ABCB5: variants seen among roughly 807,000 people sequenced by gnomAD.
ABCB5 encodes ATP binding cassette subfamily B member 5, also known as ATP-binding cassette sub-family B member 5.
In ABCB5, 155 loss-of-function variants were observed where a neutral mutation model predicts 144.2. That is an observed-to-expected ratio of 1.08 (90% CI 0.94 to 1.23). The LOEUF is 1.23. Ranked by LOEUF, ABCB5 falls within the 50% of genes most tolerant of loss-of-function variation. The pLI is 0.00. For synonymous variants in ABCB5, 610 were observed against 528.6 expected (o/e 1.15, Z -2.11); for missense variants, 1,830 against 1,520.8 (o/e 1.20, Z -3.38).
intron 14 of ABCB5, among the ~76,000 whole-genome samples, chr7:20,662,578 G>C (rs7792341): frequency 0.23 from 35,624 of 152,120 alleles, 4,415 homozygotes; most frequent in African/African-American, 0.3. Flanking sequence ...TAGCAACACT[G>C]TAATAGTTGG....
At chr7:20,625,941 T>C (rs187002734) in intron 2 of ABCB5, among the ~76,000 whole-genome samples, 45 of 152,344 alleles carry the variant, frequency 3.0e-4, no homozygotes, top group Middle Eastern at 3.4e-3. Context: ...TGGAATACTA[T>C]ACAGCCTTAA....
intron 5 of ABCB5, among the ~76,000 whole-genome samples, chr7:20,634,229 T>C (rs1784101741): frequency 7.5e-6 from 1 of 133,048 alleles, no homozygotes; most frequent in African/African-American, 2.9e-5. Context: ...GGCTGACTAG[T>C]ATTCCATGTT....
intron 23 of ABCB5, among the ~76,000 whole-genome samples, chr7:20,737,953 T>G (rs1782441705): frequency 6.6e-6 from 1 of 152,220 alleles, no homozygotes; most frequent in African/African-American, 2.4e-5. Flanking sequence ...ATACTGTGTT[T>G]GATCTTTGTA....
intron 14 of ABCB5, among the ~76,000 whole-genome samples, chr7:20,661,578 C>G (rs927044357): frequency 6.8e-6 from 1 of 147,784 alleles, no homozygotes; most frequent in African/African-American, 2.5e-5. Flanking sequence ...CTCTGTCACC[C>G]AGGCTGGAGT....
At chr7:20,676,238 G>T (rs568361890) in intron 14 of ABCB5, among the ~76,000 whole-genome samples, 1 of 148,730 alleles carries the variant, frequency 6.7e-6, no homozygotes, top group South Asian at 2.1e-4. Flanking sequence ...CAATAATCTG[G>T]ATATATTAAT....
chr7:20,624,767 C>T (rs1783871109), intron 2 of ABCB5, among the ~76,000 whole-genome samples: 1 of 152,156 alleles, frequency 6.6e-6, no homozygotes, highest in Admixed American at 6.5e-5. Context: ...AAGATCCCCT[C>T]CAGCTTGAAA....
At chr7:20,629,526 C>T (rs1471369450) in intron 4 of ABCB5, among the ~76,000 whole-genome samples, 2 of 152,106 alleles carry the variant, frequency 1.3e-5, no homozygotes, top group South Asian at 4.1e-4. Context: ...CTTTGGGAGG[C>T]TGAGACCAGT....
intron 16 of ABCB5, among the ~76,000 whole-genome samples, chr7:20,687,414 C>T (rs1422239851): frequency 1.3e-5 from 2 of 152,120 alleles, no homozygotes; most frequent in African/African-American, 4.8e-5. Flanking sequence ...TGAGAAAAAA[C>T]AATAAAATGT....
intron 20 of ABCB5, among the ~76,000 whole-genome samples, chr7:20,712,543 G>C (rs78540120): frequency 0.025 from 3,744 of 149,334 alleles, 374 homozygotes; most frequent in African/African-American, 0.083. Context: ...CCACATCTCA[G>C]CAATGCTTTG....
At position 20,673,860 on chromosome 7, in the gene ABCB5, C is replaced by T. The variant is rs140969012; in HGVS notation, c.1708-7645C>T. Among the ~76,000 whole-genome samples the T allele has an allele frequency of 3.9e-5, 6 of 151,944 alleles. No individual in the cohort carries two copies. In the East Asian group the frequency reaches 1.2e-3, roughly 29 times the overall value. ...GGTTTCTGCTTTACTCATTTTCTGTCTTCATTTGGATTAAGTGAGTACTTT... is the reference window on the plus strand; with the variant it reads ...GGTTTCTGCTTTACTCATTTTCTGTTTTCATTTGGATTAAGTGAGTACTTT... On this transcript the variant is annotated intron_variant, in intron 14 of 27. Coordinates refer to ENST00000404938, the MANE Select transcript of ABCB5 (RefSeq NM_001163941.2).
At chr7:20,673,308 T>C (rs113448324) in intron 14 of ABCB5, among the ~76,000 whole-genome samples, 1,999 of 152,194 alleles carry the variant, frequency 0.013, 36 homozygotes, top group African/African-American at 0.045. Flanking sequence ...ATTATTCATC[T>C]CTTCCTTGTC....
intron 23 of ABCB5, among the ~76,000 whole-genome samples, chr7:20,738,655 G>A (rs1782463937): frequency 6.6e-6 from 1 of 152,154 alleles, no homozygotes; most frequent in Admixed American, 6.5e-5. Context: ...TGAATTCTCT[G>A]TCAAATCTCC....
chr7:20,642,634 A>G (rs1784318734), intron 5 of ABCB5, among the ~76,000 whole-genome samples: 2 of 152,188 alleles, frequency 1.3e-5, no homozygotes, highest in African/African-American at 4.8e-5. Flanking sequence ...CACTCAGTAT[A>G]CATTTATTAA....
intron 20 of ABCB5, among the ~76,000 whole-genome samples, chr7:20,706,736 A>G (rs1786837162): frequency 6.6e-6 from 1 of 152,196 alleles, no homozygotes; most frequent in Admixed American, 6.5e-5. Context: ...CCAGGTTGCA[A>G]ATGGAGTCAG....
chr7:20,664,161 T>C (rs1315478837), intron 14 of ABCB5, among the ~76,000 whole-genome samples: 1 of 152,184 alleles, frequency 6.6e-6, no homozygotes, highest in Non-Finnish European at 1.5e-5. Context: ...AGAAGGATCA[T>C]ACCCTTTAAA....
chr7:20,744,093 C>A (rs1465651871), intron 25 of ABCB5, among the ~76,000 whole-genome samples: 1 of 152,080 alleles, frequency 6.6e-6, no homozygotes, highest in African/African-American at 2.4e-5. Flanking sequence ...GAGACAGAGT[C>A]TTGCTCTGTG....
At chr7:20,742,242 C>T (rs576791932) in intron 24 of ABCB5, among the ~76,000 whole-genome samples, 7 of 152,172 alleles carry the variant, frequency 4.6e-5, no homozygotes, top group Admixed American at 1.3e-4. Context: ...GGTGTGGTGG[C>T]GCACGCTGGT....
At chr7:20,654,025 A>G (rs1784688416) in intron 13 of ABCB5, among the ~76,000 whole-genome samples, 2 of 152,214 alleles carry the variant, frequency 1.3e-5, no homozygotes, top group South Asian at 4.1e-4. Flanking sequence ...CCAAGCCATG[A>G]CAAGATGCCC....
chr7:20,674,749 T>TACACAC (rs71555815), intron 14 of ABCB5, among the ~76,000 whole-genome samples: 7,029 of 140,222 alleles, frequency 0.05, 180 homozygotes, highest in Middle Eastern at 0.067. Context: ...CTCTAAAGAC[T>TACACAC]ACACACACAC....
Sources: allele counts gnomAD v4.1 joint callset (sites outside exome capture counted in the v4.1 genomes callset), GRCh38; gene constraint gnomAD v4.1.1; transcripts MANE v1.5; gene names NCBI Gene and HGNC (gene_info 2026-07-23, HGNC 2026-07-21).